The following INVS variants were observed in gnomAD, a reference collection of about 807,000 sequenced individuals.
INVS encodes the protein inversion of embryo turning homolog.
INVS carries 86 observed loss-of-function variants against 108.8 expected under a neutral mutation model. The ratio of observed to expected loss-of-function variants is 0.79; its 90% confidence interval spans 0.66 to 0.95. The LOEUF is 0.95. Among genes scored for constraint, INVS ranks in the 40% least tolerant of loss-of-function variants. The probability of loss-of-function intolerance (pLI) is 0.00; values close to 1 mark genes in which losing one functional copy is unlikely to be tolerated. For missense variants in INVS, 1,169 were observed against 1,297.4 expected (o/e 0.90, Z 1.52); for synonymous variants, 455 against 473.5 (o/e 0.96, Z 0.51).
Position 100,292,359 on chromosome 9 carries a change from C to A in INVS, c.2102C>A (p.Ala701Asp). ...TAREHSKGQSACVHFRPNEGS... is the reference protein window; with the variant it reads ...TAREHSKGQSDCVHFRPNEGS... Reference sequence around the variant, plus strand: ...AGAGAACATTCTAAAGGCCAATCTGCTTGTGTCCACTTCAGACCCAATGAA... The same window carrying A: ...AGAGAACATTCTAAAGGCCAATCTGATTGTGTCCACTTCAGACCCAATGAA... The change falls in exon 14 of 17, where the codon GCT (alanine) becomes GAT (aspartate). Residue 701 changes from alanine (A) to aspartate (D), a missense_variant. By Grantham distance (126) the Ala-to-Asp change is moderately radical. Around this residue, in one of 3 missense-constraint regions of INVS, gnomAD observed 533 missense variants for 536.0 expected, o/e 0.99. Coordinates refer to ENST00000262457, the MANE Select transcript of INVS (RefSeq NM_014425.5). 1 of 1,614,174 alleles carries A rather than the reference C, an allele frequency of 6.2e-7. No individual in the cohort carries two copies.
intron 3 of INVS, among the ~76,000 whole-genome samples, chr9:100,216,393 G>A (rs1036494169): frequency 1.5e-4 from 23 of 152,232 alleles, no homozygotes; most frequent in African/African-American, 4.6e-4. Flanking sequence ...GGACACCATC[G>A]GGTTTTAACT....
rs775432874 is a variant in INVS at position 100,211,069 on chromosome 9, G to C, written c.274-14993G>C. Among the ~76,000 whole-genome samples the C allele has an allele frequency of 4.6e-5, 7 of 152,130 alleles. No homozygotes were observed. The South Asian group carries it at 1.0e-3, about 23-fold the overall frequency. On this transcript the variant is annotated intron_variant, in intron 3 of 16. Transcript: ENST00000262457. Reference sequence around the variant, plus strand: ...TACACCAGTGAATGACAAACTCTGCGGGAGGGCCTATGTGTTTTCAAGCCC... The same window carrying C: ...TACACCAGTGAATGACAAACTCTGCCGGAGGGCCTATGTGTTTTCAAGCCC...
intron 2 of INVS, among the ~76,000 whole-genome samples, chr9:100,118,982 A>C (rs1376397456): frequency 6.6e-6 from 1 of 152,206 alleles, no homozygotes; most frequent in East Asian, 1.9e-4. Context: ...ATTTATTTAA[A>C]AGATTATCTA....
intron 3 of INVS, among the ~76,000 whole-genome samples, chr9:100,139,698 A>G (rs1828358765): frequency 6.6e-6 from 1 of 152,204 alleles, no homozygotes; most frequent in South Asian, 2.1e-4. Flanking sequence ...GCTGGAGTGC[A>G]GTGGTGTGAT....
At chr9:100,210,054 C>G (rs2806682) in intron 3 of INVS, among the ~76,000 whole-genome samples, 47,840 of 152,052 alleles carry the variant, frequency 0.31, 8,645 homozygotes, top group Non-Finnish European at 0.42. Flanking sequence ...ACATGCAGCT[C>G]AGGCACTGTT....
intron 3 of INVS, among the ~76,000 whole-genome samples, chr9:100,221,142 C>G (rs1057034050): frequency 2.0e-5 from 3 of 152,040 alleles, no homozygotes; most frequent in Non-Finnish European, 4.4e-5. Context: ...TAACATGGGT[C>G]CAAAGGGTCA....
intron 3 of INVS, among the ~76,000 whole-genome samples, chr9:100,224,150 G>A (rs1054089383): frequency 6.6e-6 from 1 of 152,222 alleles, no homozygotes; most frequent in Non-Finnish European, 1.5e-5. Flanking sequence ...CAAGCCAGGT[G>A]CCGCGGTGTG....
chr9:100,253,942 G>T (rs1300261130), intron 10 of INVS, among the ~76,000 whole-genome samples: 1 of 152,102 alleles, frequency 6.6e-6, no homozygotes, highest in Non-Finnish European at 1.5e-5. Flanking sequence ...GTAATGGGAT[G>T]GCTGGGTCAA....
Position 100,292,863 on chromosome 9 carries a change from A to G in INVS, c.2606A>G (p.Glu869Gly). The G allele has an allele frequency of 6.2e-7, 1 of 1,614,158 alleles. No individual in the cohort carries two copies. The highest frequency in any genetic ancestry group is 8.5e-7 in the Non-Finnish European group (1 of 1,180,034). The part of the protein sequence containing the change: ...ARRLETSTLS[E>G]DFQVSKETDP... ...AGGCTGGAGACATCTACCCTGTCCG[A>G]GGACTTTCAGGTATCTAAGGAGACT... The change falls in exon 14 of 17, where the codon GAG (glutamate) becomes GGG (glycine). Residue 869 changes from glutamate (E) to glycine (G), a missense_variant. Coordinates refer to ENST00000262457, the MANE Select transcript of INVS (RefSeq NM_014425.5).
intron 3 of INVS, among the ~76,000 whole-genome samples, chr9:100,132,777 AT>A (rs72132931): frequency 0.47 from 71,009 of 150,708 alleles, 17,953 homozygotes; most frequent in East Asian, 0.9. Flanking sequence ...TATGCCTGGA[AT>A]TTTTTTTTTT....
intron 13 of INVS, among the ~76,000 whole-genome samples, chr9:100,290,707 TAA>T (rs960735857): frequency 4.6e-5 from 7 of 152,110 alleles, no homozygotes; most frequent in East Asian, 3.9e-4. Flanking sequence ...CTTTTGCACT[TAA>T]GAGTATTTTA....
chr9:100,249,887 C>G (rs189260846), intron 8 of INVS, among the ~76,000 whole-genome samples: 3 of 151,414 alleles, frequency 2.0e-5, no homozygotes, highest in South Asian at 2.1e-4. Context: ...GGTGGATCAC[C>G]TGAGGTCAGG....
intron 3 of INVS, among the ~76,000 whole-genome samples, chr9:100,167,762 G>T (rs1829413295): frequency 1.3e-5 from 2 of 152,054 alleles, no homozygotes; most frequent in South Asian, 2.1e-4. Context: ...AGTAGTTGGT[G>T]CTCAAAAAAT....
chr9:100,204,008 A>G (rs1830606841), intron 3 of INVS, among the ~76,000 whole-genome samples: 1 of 152,146 alleles, frequency 6.6e-6, no homozygotes, highest in Non-Finnish European at 1.5e-5. Flanking sequence ...TTTCCAGCAT[A>G]AACTAACAGC....
At chr9:100,185,576 A>G (rs948896530) in intron 3 of INVS, among the ~76,000 whole-genome samples, 11 of 134,662 alleles carry the variant, frequency 8.2e-5, no homozygotes, top group African/African-American at 2.7e-4. Flanking sequence ...AGTAGCTTTT[A>G]TAGTGCAAGT....
At chr9:100,207,828 T>C (rs1196533188) in intron 3 of INVS, among the ~76,000 whole-genome samples, 1 of 152,216 alleles carries the variant, frequency 6.6e-6, no homozygotes, top group Non-Finnish European at 1.5e-5. Flanking sequence ...TTTCAATATA[T>C]GTAAAGCATA....
chr9:100,202,034 G>T lies in INVS; in HGVS notation c.274-24028G>T, dbSNP rs112985184. Among the ~76,000 whole-genome samples the T allele has an allele frequency of 7.2e-4, 109 of 151,812 alleles. 1 individual carries two copies. The Middle Eastern group carries it at 0.024, about 33-fold the overall frequency. On this transcript the variant is annotated intron_variant, in intron 3 of 16. Transcript: ENST00000262457. Reference sequence around the variant, plus strand: ...ACAGTCATTAGGGGGTGCTTTTATAGAACATTTCAGTTTCCATTATTCTTC... The same window carrying T: ...ACAGTCATTAGGGGGTGCTTTTATATAACATTTCAGTTTCCATTATTCTTC...
chr9:100,155,910 T>A (rs1316325553), intron 3 of INVS, among the ~76,000 whole-genome samples: 5 of 152,232 alleles, frequency 3.3e-5, no homozygotes, highest in Admixed American at 2.0e-4. Flanking sequence ...GCTAAAAATT[T>A]ATATTTCTGA....
At chr9:100,191,730 T>C (rs1167871876) in intron 3 of INVS, among the ~76,000 whole-genome samples, 1 of 152,208 alleles carries the variant, frequency 6.6e-6, no homozygotes, top group Non-Finnish European at 1.5e-5. Flanking sequence ...GTTAGTGTGA[T>C]CTTTTGTGGG....
Sources: allele counts gnomAD v4.1 joint callset (sites outside exome capture counted in the v4.1 genomes callset), GRCh38; gene constraint gnomAD v4.1.1; regional missense constraint gnomAD v4.1.1; transcripts MANE v1.5; gene names NCBI Gene and HGNC (gene_info 2026-07-23, HGNC 2026-07-21).